Variants in PCDH7 observed in about 807,000 individuals in gnomAD.
PCDH7 encodes the protein protocadherin-7.
PCDH7 carries 17 observed loss-of-function variants against 58.9 expected under a neutral mutation model. That is an observed-to-expected ratio of 0.29 (90% confidence interval 0.20 to 0.43). The LOEUF (loss-of-function observed/expected upper bound fraction) is 0.43, where lower values mean the gene tolerates loss of function less well. Among genes scored for constraint, PCDH7 ranks in the 20% least tolerant of loss-of-function variants. The pLI, the probability that PCDH7 is intolerant of heterozygous loss-of-function variation, is 1.00. For synonymous variants in PCDH7, 664 were observed against 616.4 expected (o/e 1.08, Z -1.14); for missense variants, 1,274 against 1,441.0 (o/e 0.88, Z 1.88).
intron 3 of PCDH7, among the ~76,000 whole-genome samples, chr4:31,096,708 C>A (rs375588539): frequency 6.6e-6 from 1 of 152,040 alleles, no homozygotes; most frequent in African/African-American, 2.4e-5. Context: ...CAAAATACAA[C>A]GTAACTGGGA....
At chr4:30,812,509 A>G (rs567743163) in intron 1 of PCDH7, among the ~76,000 whole-genome samples, 2 of 152,298 alleles carry the variant, frequency 1.3e-5, no homozygotes, top group South Asian at 2.1e-4. Flanking sequence ...TTCTTTTTCT[A>G]GAATAAACTC....
chr4:31,051,291 G>C lies in PCDH7; in HGVS notation c.*8-91182G>C, dbSNP rs1756712065. ...GAACTGTGAGTTTCTTGAAGACAGA[G>C]ACCATATCCCCTGCATCTGTTTATC... On this transcript the variant is annotated intron_variant, in intron 3 of 3. Coordinates refer to the PCDH7 transcript ENST00000509759. Among the ~76,000 whole-genome samples, 3 of 152,148 alleles carry C rather than the reference G, an allele frequency of 2.0e-5. No homozygotes were observed. The South Asian group carries it at 6.2e-4, about 31-fold the overall frequency.
chr4:30,773,014 A>G (rs928722360), intron 1 of PCDH7, among the ~76,000 whole-genome samples: 1 of 152,084 alleles, frequency 6.6e-6, no homozygotes, highest in Non-Finnish European at 1.5e-5. Flanking sequence ...TGATTCTCAC[A>G]CCTCAATCTT....
intron 3 of PCDH7, among the ~76,000 whole-genome samples, chr4:30,970,805 T>C (rs1266680063): frequency 1.3e-5 from 2 of 152,208 alleles, no homozygotes; most frequent in East Asian, 3.9e-4. Flanking sequence ...ATATATAAAA[T>C]GTATCATTGT....
chr4:31,039,908 C>T (rs544804979), intron 3 of PCDH7, among the ~76,000 whole-genome samples: 2 of 152,184 alleles, frequency 1.3e-5, no homozygotes, highest in South Asian at 2.1e-4. Context: ...TCTAGACATT[C>T]AAACTAAGAT....
chr4:30,866,841 G>T (rs1202290210), intron 1 of PCDH7, among the ~76,000 whole-genome samples: 3 of 152,124 alleles, frequency 2.0e-5, no homozygotes, highest in African/African-American at 7.2e-5. Context: ...AGCCATTAAA[G>T]AAGTTTCTGT....
At position 30,920,723 on chromosome 4, in the gene PCDH7, A is replaced by G. The variant is rs565784030; in HGVS notation, c.287+354A>G. On this transcript the variant is annotated intron_variant, in intron 2 of 3. Transcript: ENST00000509759. The stretch of plus-strand genomic sequence containing the variant: ...TTTCTTCTATTCATTTTTGTCATGC[A>G]ACTATTTCTTCAATTGCAGCTGTCC... 4.5e-4 allele frequency among the ~76,000 whole-genome samples: 68 copies of G among 152,280 alleles called. No homozygotes were observed. In the South Asian group the frequency reaches 8.9e-3, roughly 20 times the overall value.
At chr4:30,842,202 ATTAC>A (rs1272375547) in intron 1 of PCDH7, among the ~76,000 whole-genome samples, 1 of 152,144 alleles carries the variant, frequency 6.6e-6, no homozygotes, top group East Asian at 1.9e-4. Flanking sequence ...TAATTTCTTT[ATTAC>A]TTGTAATATT....
intron 1 of PCDH7, among the ~76,000 whole-genome samples, chr4:30,805,780 A>T (rs573014815): frequency 6.6e-6 from 1 of 152,222 alleles, no homozygotes; most frequent in South Asian, 2.1e-4. Flanking sequence ...ACCACTGTTC[A>T]TCATCTCCTT....
At chr4:31,100,110 A>G (rs766761592) in intron 3 of PCDH7, among the ~76,000 whole-genome samples, 1 of 152,172 alleles carries the variant, frequency 6.6e-6, no homozygotes, top group Non-Finnish European at 1.5e-5. Flanking sequence ...TACATGCAAA[A>G]TGTAGCTCTA....
chr4:31,132,500 T>C (rs2109337915), intron 3 of PCDH7, among the ~76,000 whole-genome samples: 1 of 152,230 alleles, frequency 6.6e-6, no homozygotes, highest in Non-Finnish European at 1.5e-5. Context: ...AAACATTTAG[T>C]TAATAATCCA....
chr4:30,810,994 G>A (rs949460021), intron 1 of PCDH7, among the ~76,000 whole-genome samples: 5 of 152,148 alleles, frequency 3.3e-5, no homozygotes, highest in African/African-American at 4.8e-5. Context: ...CAGTTACAGC[G>A]GAGGTGCTAT....
chr4:31,003,401 A>G (rs950046285), intron 3 of PCDH7, among the ~76,000 whole-genome samples: 29 of 151,812 alleles, frequency 1.9e-4, no homozygotes, highest in Non-Finnish European at 3.8e-4. Context: ...TTCTTTACCA[A>G]TTGCTACTGC....
At chr4:30,776,521 T>C (rs886914558) in intron 1 of PCDH7, among the ~76,000 whole-genome samples, 3 of 152,204 alleles carry the variant, frequency 2.0e-5, no homozygotes, top group Non-Finnish European at 2.9e-5. Context: ...TTGTCAAAGA[T>C]TCCCTTTCAC....
chr4:31,105,935 A>C (rs1317238412), intron 3 of PCDH7, among the ~76,000 whole-genome samples: 1 of 151,712 alleles, frequency 6.6e-6, no homozygotes, highest in Non-Finnish European at 1.5e-5. Flanking sequence ...TGAACCCGGG[A>C]GGCAGAGCTT....
At chr4:30,926,195 T>A (rs1364858192) in intron 2 of PCDH7, among the ~76,000 whole-genome samples, 1 of 152,118 alleles carries the variant, frequency 6.6e-6, no homozygotes, top group Non-Finnish European at 1.5e-5. Flanking sequence ...AGGTCGTTTT[T>A]TTTTTTTGAG....
At chr4:30,955,801 G>C (rs968221487) in intron 3 of PCDH7, among the ~76,000 whole-genome samples, 5 of 151,184 alleles carry the variant, frequency 3.3e-5, no homozygotes, top group Non-Finnish European at 7.4e-5. Context: ...GTCCCGCCCC[G>C]GCCTCTCAAA....
At chr4:30,726,822 C>G (rs1714676969) in intron 1 of PCDH7, among the ~76,000 whole-genome samples, 1 of 151,930 alleles carries the variant, frequency 6.6e-6, no homozygotes, top group Non-Finnish European at 1.5e-5. Flanking sequence ...TGATATGTTT[C>G]ATCTCCTCAA....
chr4:31,032,868 T>C (rs181968358), intron 3 of PCDH7, among the ~76,000 whole-genome samples: 1 of 152,194 alleles, frequency 6.6e-6, no homozygotes, highest in South Asian at 2.1e-4. Flanking sequence ...TATCTTAGAA[T>C]CTATTAATGG....
Sources: gnomAD v4.1 joint callset for allele counts (sites outside exome capture counted in the v4.1 genomes callset) on GRCh38, gnomAD v4.1.1 for gene constraint, MANE v1.5 for transcripts, NCBI Gene and HGNC (gene_info 2026-07-23, HGNC 2026-07-21) for gene names.